KDM2A: variants seen among roughly 807,000 people sequenced by gnomAD.
The protein encoded by KDM2A is lysine demethylase 2A, also known as lysine-specific demethylase 2A.
A neutral mutation model predicts 137.3 loss-of-function variants in KDM2A; 3 were observed. The ratio of observed to expected loss-of-function variants is 0.02; its 90% CI spans 0.01 to 0.06. The LOEUF (loss-of-function observed/expected upper bound fraction) is 0.06. Ranked by LOEUF, KDM2A falls within the 10% of genes least tolerant of loss-of-function variation. KDM2A has a pLI of 1.00. For synonymous variants in KDM2A, 512 were observed against 541.5 expected (o/e 0.95, Z 0.76); for missense variants, 738 against 1,510.6 (o/e 0.49, Z 8.48).
At chr11:67,223,242 A>G (rs903911579) in intron 10 of KDM2A, among the ~76,000 whole-genome samples, 5 of 152,004 alleles carry the variant, frequency 3.3e-5, no homozygotes, top group Non-Finnish European at 7.4e-5. Context: ...CCAGTCTTAG[A>G]AATTGATATG....
chr11:67,120,254 G>T (rs1026420439), intron 1 of KDM2A, among the ~76,000 whole-genome samples: 1 of 152,202 alleles, frequency 6.6e-6, no homozygotes, highest in Non-Finnish European at 1.5e-5. Flanking sequence ...GTGCAAGCAC[G>T]GTTTCCCTCC....
intron 2 of KDM2A, among the ~76,000 whole-genome samples, chr11:67,155,410 G>A (rs1403622367): frequency 6.6e-6 from 1 of 151,506 alleles, no homozygotes; most frequent in Non-Finnish European, 1.5e-5. Context: ...CTAGGCTCAA[G>A]CGATTATCCT....
chr11:67,245,559 GA>G lies in KDM2A; in HGVS notation c.1833+105del, dbSNP rs1859179389. 7.5e-7 allele frequency: 1 copy of G among 1,336,970 alleles called. No homozygotes were observed. The highest frequency in any genetic ancestry group is 1.5e-5 in the African/African-American group (1 of 68,312). The allele number at this position is 1,336,970 out of a possible 1,614,324, so 82.8% of individuals were successfully genotyped here. A position where few individuals can be genotyped will look rare whatever the true frequency, so the allele number is the denominator to read the frequency against. On this transcript the variant is annotated intron_variant, in intron 14 of 20. Coordinates refer to ENST00000529006, the MANE Select transcript of KDM2A (RefSeq NM_012308.3). This position sits in a 1 kb window ranked among gnomAD's most constrained non-coding sequence, Gnocchi z 4.1. ...GTTAAAGAGACTTCAGAGTTGGAAA[GA>G]AAAGGTTTATACTCTCTTTTTGGCT... is the stretch of plus-strand genomic sequence containing the variant.
chr11:67,152,669 C>G (rs1409525977), intron 2 of KDM2A, among the ~76,000 whole-genome samples: 2 of 151,784 alleles, frequency 1.3e-5, no homozygotes, highest in Non-Finnish European at 2.9e-5. Flanking sequence ...ATGTAGCTTA[C>G]ATTTTGTTTC....
At chr11:67,166,454 A>G (rs1193531535) in intron 2 of KDM2A, among the ~76,000 whole-genome samples, 2 of 152,048 alleles carry the variant, frequency 1.3e-5, no homozygotes, top group Non-Finnish European at 2.9e-5. Flanking sequence ...CTAAAGTGTT[A>G]GGATTACAGG....
chr11:67,220,296 G>T (rs1330285510), intron 10 of KDM2A, among the ~76,000 whole-genome samples: 2 of 152,194 alleles, frequency 1.3e-5, no homozygotes, highest in Admixed American at 6.5e-5. Context: ...ACAAGTGTGA[G>T]CTACTGCATC....
At chr11:67,148,926 A>C (rs1856319011) in intron 2 of KDM2A, 1 of 152,208 alleles carries the variant, frequency 6.6e-6, no homozygotes, top group South Asian at 2.1e-4. Context: ...GGTGGCGCAT[A>C]GCTCAGCATT....
Position 67,184,150 on chromosome 11 carries a change from A to T in KDM2A, c.307+2258A>T, listed in dbSNP as rs116555331. Among the ~76,000 whole-genome samples, 465 of 150,540 alleles carry T rather than the reference A, an allele frequency of 3.1e-3. 3 individuals are homozygous for T. Among genetic ancestry groups the T allele is most frequent in the African/African-American group, 0.011 (439 of 40,918 alleles). On this transcript the variant is annotated intron_variant, in intron 5 of 20. Coordinates refer to ENST00000529006, the MANE Select transcript of KDM2A (RefSeq NM_012308.3). ...GGCAGTTGTTGTTGCATCTTCTCCT[A>T]ATTGTTGCAGGCCTCTTCCCCTCAG...
At position 67,252,792 on chromosome 11, in the gene KDM2A, G is replaced by T. The variant is rs770024463; in HGVS notation, c.2867G>T (p.Ser956Ile). Residue 956 changes from serine (S) to isoleucine (I), a missense_variant, in exon 18 of 21, where the codon AGC becomes ATC. Ser to Ile is a moderately radical substitution (Grantham distance 142, BLOSUM62 -2). Transcript: ENST00000529006. ...LSGIIKRQPV[S>I]LDLSWTNISK... ...GGCATCATCAAGAGGCAGCCAGTCA[G>T]CCTTGACCTCAGTTGGACCAACATC... 7.4e-6 allele frequency: 12 copies of T among 1,614,010 alleles called. No homozygotes were observed. The highest frequency in any genetic ancestry group is 9.3e-6 in the Non-Finnish European group (11 of 1,179,880).
intron 12 of KDM2A, among the ~76,000 whole-genome samples, chr11:67,234,668 A>G (rs370785716): frequency 2.0e-4 from 30 of 152,176 alleles, no homozygotes; most frequent in African/African-American, 7.2e-4. Context: ...CAGCCTGGGC[A>G]ACGTGGCGAA....
At chr11:67,171,013 G>A (rs1267430535) in intron 2 of KDM2A, among the ~76,000 whole-genome samples, 2 of 151,896 alleles carry the variant, frequency 1.3e-5, no homozygotes, top group Non-Finnish European at 2.9e-5. Context: ...TGGTAAAGAG[G>A]GTATTAATAT....
chr11:67,250,946 G>A lies in KDM2A; in HGVS notation c.2768+148G>A. On this transcript the variant is annotated intron_variant, in intron 17 of 20. Coordinates refer to ENST00000529006, the MANE Select transcript of KDM2A (RefSeq NM_012308.3). The surrounding 1 kb of genome is among the most constrained non-coding windows in gnomAD (Gnocchi z 7.1). ...CCCTTTTTCCCAAACTTTGGGTCCT[G>A]TTTAAAGATGTAGCCTGTTGTACCC... 1.5e-6 allele frequency: 1 copy of A among 664,106 alleles called. No homozygotes were observed. Among genetic ancestry groups the A allele is most frequent in the Non-Finnish European group, 2.6e-6 (1 of 386,530 alleles). 41.1% of individuals were successfully genotyped at this position (664,106 alleles called of 1,614,324 possible). A position where few individuals can be genotyped will look rare whatever the true frequency, so the allele number is the denominator to read the frequency against.
At chr11:67,129,604 G>A (rs1855805485) in intron 2 of KDM2A, among the ~76,000 whole-genome samples, 1 of 151,900 alleles carries the variant, frequency 6.6e-6, no homozygotes, top group Non-Finnish European at 1.5e-5. Context: ...CGTGATGGTG[G>A]GCGCCTGTAG....
Position 67,231,764 on chromosome 11 carries a change from A to T in KDM2A, c.1283A>T (p.Asp428Val). Residue 428 changes from aspartate (D) to valine (V), a missense_variant, in exon 12 of 21, where the codon GAC becomes GTC. This residue lies in a region of KDM2A where 113 missense variants were observed against 133.5 expected (regional missense o/e 0.85). Coordinates refer to ENST00000529006, the MANE Select transcript of KDM2A (RefSeq NM_012308.3). ...ACTTTGGCTGGGGACTCATCTTCTG[A>T]CTGTAGCCGGGGCTCCCACAATGGA... The part of the protein sequence containing the change: ...KKTLAGDSSS[D>V]CSRGSHNGQV... 1 of 1,613,984 alleles carries T rather than the reference A, an allele frequency of 6.2e-7. No homozygotes were observed. The highest frequency in any genetic ancestry group is 1.1e-5 in the South Asian group (1 of 91,086).
intron 5 of KDM2A, among the ~76,000 whole-genome samples, chr11:67,185,638 A>C (rs76865364): frequency 3.0e-5 from 4 of 133,320 alleles, no homozygotes; most frequent in Non-Finnish European, 6.4e-5. Context: ...ACTCTGTCGC[A>C]AAAAAAAAAA....
intron 6 of KDM2A, 95 bp downstream of exon 6, chr11:67,207,783 G>A: frequency 1.1e-6 from 1 of 912,270 alleles, no homozygotes; most frequent in Non-Finnish European, 1.6e-6. Flanking sequence ...CCAGCACTTT[G>A]GGAGGCCAAG....
At chr11:67,207,796 A>G in intron 6 of KDM2A, 108 bp downstream of exon 6, 1 of 841,552 alleles carries the variant, frequency 1.2e-6, no homozygotes, top group African/African-American at 1.7e-5. Flanking sequence ...AGGCCAAGGG[A>G]GGCAGATCGC....
At chr11:67,155,002 T>G (rs1856481725) in intron 2 of KDM2A, among the ~76,000 whole-genome samples, 1 of 152,150 alleles carries the variant, frequency 6.6e-6, no homozygotes, top group African/African-American at 2.4e-5. Flanking sequence ...ATTTGAATAC[T>G]TGTTTTTAGT....
At chr11:67,175,574 T>A (rs534505609) in intron 2 of KDM2A, among the ~76,000 whole-genome samples, 1 of 152,330 alleles carries the variant, frequency 6.6e-6, no homozygotes, top group African/African-American at 2.4e-5. Context: ...GAAGCCTTCC[T>A]TGTATCCTTA....
Sources: allele counts gnomAD v4.1 joint callset (sites outside exome capture counted in the v4.1 genomes callset), GRCh38; gene constraint gnomAD v4.1.1; regional missense constraint gnomAD v4.1.1; non-coding constraint Gnocchi (gnomAD v3.1); transcripts MANE v1.5; gene names NCBI Gene and HGNC (gene_info 2026-07-23, HGNC 2026-07-21).